Variants in TMA7 observed in about 807,000 individuals in gnomAD.
TMA7 encodes translation machinery-associated protein 7.
In TMA7, 5 loss-of-function variants were observed where a neutral mutation model predicts 12.5. That is an observed-to-expected ratio of 0.40 (90% CI 0.21 to 0.84). TMA7 has a LOEUF of 0.84. Among genes scored for constraint, TMA7 ranks in the 40% least tolerant of loss-of-function variants. The pLI, the probability that TMA7 is intolerant of heterozygous loss-of-function variation, is 0.36. For missense variants in TMA7, 71 were observed against 75.4 expected, an observed-to-expected ratio of 0.94 and a Z score of 0.22; for synonymous variants, 36 against 28.1, an observed-to-expected ratio of 1.28 and a Z score of -0.89.
intron 3 of TMA7, among the ~76,000 whole-genome samples, chr3:48,442,452 CTTTTTTT>C (rs904695197): frequency 3.8e-5 from 5 of 130,744 alleles, no homozygotes; most frequent in Admixed American, 1.5e-4. Flanking sequence ...TAACCCTACA[CTTTTTTT>C]TTTTTTTTTT....
chr3:48,444,067 AGTT>A lies in TMA7; in HGVS notation c.*189_*191del. ...TCTTACAGTGGCTCATCATCTCTTT[AGTT>A]GTTTTCACTAAGTCGTTCCTACCAT... On this transcript the variant is annotated 3_prime_UTR_variant, in exon 4 of 4. Coordinates refer to ENST00000438607, the MANE Select transcript of TMA7 (RefSeq NM_015933.6). 4.7e-6 allele frequency: 2 copies of A among 421,218 alleles called. No individual in the cohort carries two copies. Among genetic ancestry groups the A allele is most frequent in the Non-Finnish European group, 8.3e-6 (2 of 241,690 alleles). 26.1% of individuals were successfully genotyped at this position (421,218 alleles called of 1,614,324 possible). A position where few individuals can be genotyped will look rare whatever the true frequency, so the allele number is the denominator to read the frequency against.
At chr3:48,443,007 A>C (rs2039602605) in intron 3 of TMA7, among the ~76,000 whole-genome samples, 1 of 151,490 alleles carries the variant, frequency 6.6e-6, no homozygotes. Flanking sequence ...TGGGAGGCTG[A>C]GGTGGGTGGA....
chr3:48,440,588 CGAG>C lies in TMA7; in HGVS notation c.124_126del (p.Glu42del), dbSNP rs761139732. Reference sequence around the variant, plus strand: ...AACAAAAAGAGGAGCAGAAGAAACTCGAGGAGCTAAAAGCGAAGGCCGCGGGGA... The same window carrying C: ...AACAAAAAGAGGAGCAGAAGAAACTCGAGCTAAAAGCGAAGGCCGCGGGGA... On this transcript the variant is annotated inframe_deletion, in exon 3 of 4. Coordinates refer to ENST00000438607, the MANE Select transcript of TMA7 (RefSeq NM_015933.6). 2.1e-5 allele frequency: 34 copies of C among 1,611,642 alleles called. No homozygotes were observed. The highest frequency in any genetic ancestry group is 2.7e-5 in the Non-Finnish European group (32 of 1,179,764).
chr3:48,440,352 G>T, intron 1 of TMA7, 40 bp downstream of exon 1: 1 of 1,611,926 alleles, frequency 6.2e-7, no homozygotes, highest in African/African-American at 1.3e-5. Flanking sequence ...GGGACGGCGG[G>T]GTGGGGACCG....
intron 3 of TMA7, among the ~76,000 whole-genome samples, chr3:48,442,111 T>C (rs2039584398): frequency 6.6e-6 from 1 of 152,128 alleles, no homozygotes; most frequent in Non-Finnish European, 1.5e-5. Context: ...CCGTTTCCTG[T>C]AATCCCAGCT....
At chr3:48,440,714 C>T (rs960138009) in intron 3 of TMA7, 86 bp downstream of exon 3, 43 of 1,213,916 alleles carry the variant, frequency 3.5e-5, no homozygotes, top group Admixed American at 4.3e-5. Flanking sequence ...TTTTTCCTGC[C>T]TCCTGAACTG....
At position 48,444,174 on chromosome 3, in the gene TMA7, T is replaced by C. The variant is rs941155193; in HGVS notation, c.*292T>C. ...GGTCCTTGTTCTACCCTAAACTTTG[T>C]ATCACCTGAAATTAAACCAACTCAT... On this transcript the variant is annotated 3_prime_UTR_variant, in exon 4 of 4. Transcript: ENST00000438607. The C allele has an allele frequency of 7.1e-6, 2 of 281,458 alleles. No homozygotes were observed. Among genetic ancestry groups the C allele is most frequent in the Non-Finnish European group, 6.6e-6 (1 of 152,656 alleles). The allele number at this position is 281,458 out of a possible 1,614,324, so 17.4% of individuals were successfully genotyped here. A position where few individuals can be genotyped will look rare whatever the true frequency, so the allele number is the denominator to read the frequency against.
intron 3 of TMA7, 99 bp downstream of exon 3, chr3:48,440,727 A>G (rs1018918969): frequency 9.0e-7 from 1 of 1,106,246 alleles, no homozygotes. Context: ...CTGAACTGCG[A>G]GGTCTCGTTT....
At chr3:48,440,717 CT>C in intron 3 of TMA7, 89 bp downstream of exon 3, 1 of 1,199,058 alleles carries the variant, frequency 8.3e-7, no homozygotes, top group South Asian at 1.4e-5. Flanking sequence ...TTCCTGCCTC[CT>C]GAACTGCGAG....
rs779848119 is a variant in TMA7, at chr3:48,443,910, G to C, written c.*28G>C. On this transcript the variant is annotated 3_prime_UTR_variant, in exon 4 of 4. Transcript: ENST00000438607. ...TGTTCCTTGTGCCTGAGGAGATGGT[G>C]ACCCTTTATTTCATCTGTATTTAAA... The C allele has an allele frequency of 4.3e-5, 64 of 1,499,860 alleles. No individual in the cohort carries two copies. Among genetic ancestry groups the C allele is most frequent in the Non-Finnish European group, 5.4e-5 (61 of 1,125,184 alleles). The allele number at this position is 1,499,860 out of a possible 1,614,324, so 92.9% of individuals were successfully genotyped here. A position where few individuals can be genotyped will look rare whatever the true frequency, so the allele number is the denominator to read the frequency against.
intron 3 of TMA7, 46 bp downstream of exon 3, chr3:48,440,674 C>T: frequency 6.4e-7 from 1 of 1,561,940 alleles, no homozygotes; most frequent in East Asian, 2.3e-5. Flanking sequence ...ACGCTATGAG[C>T]ACCTATTGGG....
Position 48,443,842 on chromosome 3 carries a change from T to C in TMA7, c.161-6T>C, listed in dbSNP as rs558920262. 4.5e-6 allele frequency: 7 copies of C among 1,560,278 alleles called. No homozygotes were observed. The Admixed American group carries it at 1.3e-4, about 28-fold the overall frequency. On this transcript the variant is annotated splice_polypyrimidine_tract_variant and splice_region_variant and intron_variant, in intron 3 of 3. Coordinates refer to ENST00000438607, the MANE Select transcript of TMA7 (RefSeq NM_015933.6). Reference sequence around the variant, plus strand: ...TTCCCTAATTGTGACTATTTTTCTTTTGCAGCCACAGGTGGAATTAAGAAA... The same window carrying C: ...TTCCCTAATTGTGACTATTTTTCTTCTGCAGCCACAGGTGGAATTAAGAAA...
In TMA7 at chr3:48,440,275, T is replaced by TG. The variant is rs769956200; in HGVS notation, c.-18dup. ...ACGCTCCGTTTCCGGTGGCAGGGTC[T>TG]GGGGAAGCGGCGGCAGGCGCCATGT... On this transcript the variant is annotated 5_prime_UTR_variant, in exon 1 of 4. Coordinates refer to ENST00000438607, the MANE Select transcript of TMA7 (RefSeq NM_015933.6). 1.9e-6 allele frequency: 3 copies of TG among 1,597,142 alleles called. No homozygotes were observed. Among genetic ancestry groups the TG allele is most frequent in the Non-Finnish European group, 1.7e-6 (2 of 1,171,898 alleles).
chr3:48,440,376 G>T, intron 1 of TMA7, 27 bp from the exon 2 acceptor site: 1 of 1,611,760 alleles, frequency 6.2e-7, no homozygotes, highest in Non-Finnish European at 8.5e-7. Flanking sequence ...GGCAGGGGCA[G>T]GCCGAACGTG....
At chr3:48,443,202 C>A (rs942772467) in intron 3 of TMA7, among the ~76,000 whole-genome samples, 25 of 145,180 alleles carry the variant, frequency 1.7e-4, no homozygotes, top group Non-Finnish European at 1.0e-4. Context: ...AATTGCACCA[C>A]CGCAGTCCAG....
rs1221226556 is a variant in TMA7, at chr3:48,440,607, G to A, written c.139G>A (p.Ala47Thr). The A allele has an allele frequency of 5.0e-6, 8 of 1,611,690 alleles. No homozygotes were observed. Among genetic ancestry groups the A allele is most frequent in the Non-Finnish European group, 6.8e-6 (8 of 1,179,746 alleles). ...QKKLEELKAKAAGKGPLATGG... is the reference protein window; with the variant it reads ...QKKLEELKAKTAGKGPLATGG... ...GAAACTCGAGGAGCTAAAAGCGAAG[G>A]CCGCGGGGAAGGGGCCCTTGGGTAA... The change falls in exon 3 of 4, where the codon GCC (alanine) becomes ACC (threonine). Residue 47 changes from alanine to threonine, a missense_variant. Coordinates refer to ENST00000438607, the MANE Select transcript of TMA7 (RefSeq NM_015933.6).
intron 3 of TMA7, among the ~76,000 whole-genome samples, chr3:48,441,187 T>C (rs1161194360): frequency 6.6e-6 from 1 of 152,066 alleles, no homozygotes; most frequent in Non-Finnish European, 1.5e-5. Flanking sequence ...GGCTAATTTT[T>C]TTTTTTTGAG....
intron 3 of TMA7, among the ~76,000 whole-genome samples, chr3:48,442,633 G>A (rs976239817): frequency 7.9e-5 from 12 of 151,706 alleles, no homozygotes; most frequent in Admixed American, 3.3e-4. Context: ...TGTATTTTTA[G>A]TAGAGACGGG....
At chr3:48,442,183 G>A (rs1180935616) in intron 3 of TMA7, among the ~76,000 whole-genome samples, 1 of 151,566 alleles carries the variant, frequency 6.6e-6, no homozygotes, top group African/African-American at 2.4e-5. Flanking sequence ...GATTATTTGA[G>A]CACGGGAGTT....
Sources: allele counts gnomAD v4.1 joint callset (sites outside exome capture counted in the v4.1 genomes callset), GRCh38; gene constraint gnomAD v4.1.1; transcripts MANE v1.5; gene names NCBI Gene and HGNC (gene_info 2026-07-23, HGNC 2026-07-21).